The following ADGRL3 variants were observed in gnomAD, a reference collection of about 807,000 sequenced individuals.
ADGRL3 encodes the protein calcium-independent alpha-latrotoxin receptor 3.
Under a neutral mutation model 153.5 loss-of-function variants are expected in ADGRL3, and 62 were observed. The observed-to-expected ratio is 0.40, with a 90% CI of 0.33 to 0.50. The LOEUF is 0.50. Among genes scored for constraint, ADGRL3 ranks in the 20% least tolerant of loss-of-function variants. The pLI is 0.47. For synonymous variants in ADGRL3, 710 were observed against 672.5 expected (o/e 1.06, Z -0.86); for missense variants, 1,641 against 1,859.4 (o/e 0.88, Z 2.16).
chr4:61,910,501 A>G (rs1034442801), intron 12 of ADGRL3, among the ~76,000 whole-genome samples: 2 of 150,534 alleles, frequency 1.3e-5, no homozygotes, highest in African/African-American at 4.9e-5. Flanking sequence ...AAATAATATA[A>G]TTTATTTATT....
At chr4:61,585,144 T>C (rs2098941218) in intron 4 of ADGRL3, among the ~76,000 whole-genome samples, 1 of 151,976 alleles carries the variant, frequency 6.6e-6, no homozygotes, top group African/African-American at 2.4e-5. Flanking sequence ...TGTGTGTATG[T>C]GTGTGCACAC....
At chr4:61,990,394 T>C (rs2099099588) in intron 19 of ADGRL3, among the ~76,000 whole-genome samples, 1 of 151,918 alleles carries the variant, frequency 6.6e-6, no homozygotes. Context: ...GGATGGATCA[T>C]TGTAGAGCAG....
chr4:61,401,884 A>T (rs1036335826), intron 2 of ADGRL3, among the ~76,000 whole-genome samples: 1 of 152,050 alleles, frequency 6.6e-6, no homozygotes, highest in African/African-American at 2.4e-5. Context: ...ATAGACCATT[A>T]ATCTGTTGAA....
intron 13 of ADGRL3, among the ~76,000 whole-genome samples, chr4:61,926,635 A>G (rs2098795516): frequency 1.3e-5 from 2 of 152,112 alleles, no homozygotes; most frequent in African/African-American, 4.8e-5. Context: ...AATAAATTCT[A>G]CCTCACTGGG....
At chr4:61,448,838 G>GGGAC in intron 2 of ADGRL3, among the ~76,000 whole-genome samples, 1 of 16,144 alleles carries the variant, frequency 6.2e-5, no homozygotes, top group African/African-American at 1.2e-4. Flanking sequence ...AAGGGAGGGA[G>GGGAC]GGAAGGAAGG....
chr4:61,697,547 G>A, intron 6 of ADGRL3, among the ~76,000 whole-genome samples: 1 of 79,264 alleles, frequency 1.3e-5, no homozygotes, highest in Non-Finnish European at 2.4e-5. Flanking sequence ...TGGCAAAAGT[G>A]AAACTCCTAA....
At chr4:61,347,825 T>C (rs545153036) in intron 1 of ADGRL3, among the ~76,000 whole-genome samples, 1 of 152,258 alleles carries the variant, frequency 6.6e-6, no homozygotes, top group African/African-American at 2.4e-5. Flanking sequence ...CACAATAAAA[T>C]AAAAAGTCAG....
chr4:61,291,294 GA>G (rs549501420), intron 1 of ADGRL3, among the ~76,000 whole-genome samples: 52 of 147,406 alleles, frequency 3.5e-4, no homozygotes, highest in African/African-American at 1.2e-3. Flanking sequence ...AAATATTTGG[GA>G]AAAAAAATTG....
intron 20 of ADGRL3, among the ~76,000 whole-genome samples, chr4:61,997,113 A>G (rs180911713): frequency 6.6e-6 from 1 of 152,254 alleles, no homozygotes; most frequent in East Asian, 1.9e-4. Context: ...TTGGAAAGAT[A>G]ATGTGGTACA....
At chr4:61,229,226 G>T (rs943151242) in intron 1 of ADGRL3, among the ~76,000 whole-genome samples, 2 of 152,120 alleles carry the variant, frequency 1.3e-5, no homozygotes, top group African/African-American at 2.4e-5. Context: ...AACATTTCCT[G>T]TGTTTCTGTC....
intron 1 of ADGRL3, among the ~76,000 whole-genome samples, chr4:61,369,381 C>T (rs2151667610): frequency 6.6e-6 from 1 of 152,186 alleles, no homozygotes; most frequent in Admixed American, 6.5e-5. Context: ...ATAGATAGCT[C>T]TTATTATTTT....
At chr4:61,570,613 TAC>T (rs2098834761) in intron 4 of ADGRL3, among the ~76,000 whole-genome samples, 2 of 152,184 alleles carry the variant, frequency 1.3e-5, no homozygotes, top group Admixed American at 1.3e-4. Context: ...CCATTACACT[TAC>T]CACTAATGGA....
intron 2 of ADGRL3, among the ~76,000 whole-genome samples, chr4:61,426,273 T>A (rs1255323028): frequency 6.6e-6 from 1 of 152,180 alleles, no homozygotes; most frequent in Non-Finnish European, 1.5e-5. Flanking sequence ...TTGCCATAGG[T>A]GTCTCCTTCT....
At chr4:61,747,032 G>A (rs2096672466) in intron 8 of ADGRL3, among the ~76,000 whole-genome samples, 1 of 152,114 alleles carries the variant, frequency 6.6e-6, no homozygotes, top group South Asian at 2.1e-4. Flanking sequence ...GGATATCACT[G>A]CCGATCTCAC....
chr4:61,541,382 G>A (rs1236651779), intron 4 of ADGRL3, among the ~76,000 whole-genome samples: 1 of 143,736 alleles, frequency 7.0e-6, no homozygotes, highest in Non-Finnish European at 1.5e-5. Context: ...TGACACCTGG[G>A]CAAGTAACAT....
chr4:61,357,400 A>G (rs1472326419), intron 1 of ADGRL3, among the ~76,000 whole-genome samples: 2 of 152,154 alleles, frequency 1.3e-5, no homozygotes, highest in Non-Finnish European at 2.9e-5. Context: ...CTGTCATATT[A>G]ATGTATGTCT....
chr4:61,724,296 A>G (rs979000194), intron 6 of ADGRL3, among the ~76,000 whole-genome samples: 2 of 152,208 alleles, frequency 1.3e-5, no homozygotes, highest in African/African-American at 2.4e-5. Flanking sequence ...TTATAAATAG[A>G]TTCTCAAAAG....
At chr4:61,776,098 C>T (rs1437305724) in intron 8 of ADGRL3, among the ~76,000 whole-genome samples, 1 of 152,040 alleles carries the variant, frequency 6.6e-6, no homozygotes, top group Non-Finnish European at 1.5e-5. Flanking sequence ...GACGGGGTTT[C>T]ACTGTGTTAG....
At chr4:61,231,478 G>A (rs1750622561) in intron 1 of ADGRL3, among the ~76,000 whole-genome samples, 1 of 151,942 alleles carries the variant, frequency 6.6e-6, no homozygotes, top group Non-Finnish European at 1.5e-5. Context: ...CCCAGTGTTG[G>A]GTCTTCATTC....
Sources: gnomAD v4.1 joint callset for allele counts (sites outside exome capture counted in the v4.1 genomes callset) on GRCh38, gnomAD v4.1.1 for gene constraint, MANE v1.5 for transcripts, NCBI Gene and HGNC (gene_info 2026-07-23, HGNC 2026-07-21) for gene names.